The following MAP7D2 variants were observed in gnomAD, a reference collection of about 807,000 sequenced individuals.
MAP7D2 encodes MAP7 domain containing 2.
A neutral mutation model predicts 63.5 loss-of-function variants in MAP7D2; 33 were observed. The ratio of observed to expected loss-of-function variants is 0.52; its 90% CI spans 0.39 to 0.70. The LOEUF is 0.70. MAP7D2 is among the 30% of genes least tolerant of loss of function. The pLI, the probability that MAP7D2 is intolerant of heterozygous loss-of-function variation, is 0.00. For synonymous variants in MAP7D2, 224 were observed against 223.7 expected (o/e 1.00, Z -0.01); for missense variants, 626 against 604.0 (o/e 1.04, Z -0.38).
At chrX:20,079,884 C>T (rs886740600) in intron 1 of MAP7D2, among the ~76,000 whole-genome samples, 6 of 111,387 alleles carry the variant, frequency 5.4e-5, no homozygotes, top group African/African-American at 1.6e-4. Flanking sequence ...GGAAACCCCC[C>T]ACAACTTCCT....
At chrX:20,082,173 CAAG>C in intron 1 of MAP7D2, among the ~76,000 whole-genome samples, 1 of 111,707 alleles carries the variant, frequency 9.0e-6, no homozygotes, top group Non-Finnish European at 1.9e-5. Context: ...GCTTCCGTTT[CAAG>C]AAGATTCCTT....
rs751394832 is a variant in MAP7D2, at chrX:20,111,345, T to G, written c.130+5405A>C. On this transcript the variant is annotated intron_variant, in intron 1 of 16. Coordinates refer to ENST00000379643, the MANE Select transcript of MAP7D2 (RefSeq NM_001168465.2). ...ACTGCAGACCGCTGTGTACATTACA[T>G]TCAGGTTCTGAGCGCTTTGCAGGCC... Among the ~76,000 whole-genome samples, 3 of 112,345 alleles carry G rather than the reference T, an allele frequency of 2.7e-5. No homozygotes were observed. The East Asian group carries it at 8.3e-4, about 31-fold the overall frequency.
At chrX:20,019,925 G>A (rs1374803145) in intron 10 of MAP7D2, among the ~76,000 whole-genome samples, 1 of 112,031 alleles carries the variant, frequency 8.9e-6, no homozygotes, top group African/African-American at 3.2e-5. Flanking sequence ...ACTGGTTAGA[G>A]AGAGGTGTAA....
chrX:20,025,801 T>A lies in MAP7D2; in HGVS notation c.1159A>T (p.Thr387Ser). 2 of 1,211,927 alleles carry A rather than the reference T, an allele frequency of 1.7e-6. No individual in the cohort carries two copies. Among genetic ancestry groups the A allele is most frequent in the Non-Finnish European group, 2.2e-6 (2 of 895,561 alleles). Reference sequence around the variant, plus strand: ...GGGCCAGCAGCCTGCTGAGCCAAGGTACCTTCCCTTTCCTTGTTGCTCTTC... The same window carrying A: ...GGGCCAGCAGCCTGCTGAGCCAAGGAACCTTCCCTTTCCTTGTTGCTCTTC... ...KEKSNKEREG[T>S]LAQQAAGPQG... Residue 387 changes from threonine to serine, a missense_variant, in exon 9 of 17, where the codon ACC (threonine) becomes TCC (serine). Coordinates refer to ENST00000379643, the MANE Select transcript of MAP7D2 (RefSeq NM_001168465.2).
At chrX:20,053,318 T>G (rs2148330284) in intron 4 of MAP7D2, among the ~76,000 whole-genome samples, 1 of 112,244 alleles carries the variant, frequency 8.9e-6, no homozygotes, top group African/African-American at 3.2e-5. Context: ...TTTTTGAGCA[T>G]GCTCACATCA....
chrX:20,044,269 T>C, intron 7 of MAP7D2, 95 bp downstream of exon 7: 3 of 909,172 alleles, frequency 3.3e-6, no homozygotes, highest in Non-Finnish European at 4.6e-6. Flanking sequence ...AGGAGATTGA[T>C]GGAAACAGAC....
At chrX:20,051,560 C>CAA (rs1281531054) in intron 5 of MAP7D2, among the ~76,000 whole-genome samples, 7 of 97,763 alleles carry the variant, frequency 7.2e-5, no homozygotes, top group Non-Finnish European at 1.3e-4. Flanking sequence ...AAAAAACAAA[C>CAA]AAAAAAAAAA....
At chrX:20,114,595 G>T (rs1217093182) in intron 1 of MAP7D2, among the ~76,000 whole-genome samples, 1 of 112,401 alleles carries the variant, frequency 8.9e-6, no homozygotes, top group Admixed American at 9.4e-5. Context: ...ATGGGAACAT[G>T]CACAGGATTT....
chrX:20,047,280 C>T (rs1157966724), intron 6 of MAP7D2, among the ~76,000 whole-genome samples: 1 of 112,420 alleles, frequency 8.9e-6, no homozygotes. Flanking sequence ...CCAATGATAC[C>T]CTGCTAGTGT....
intron 8 of MAP7D2, among the ~76,000 whole-genome samples, chrX:20,038,044 C>A (rs192993921): frequency 1.0e-3 from 112 of 111,695 alleles, no homozygotes; most frequent in African/African-American, 3.6e-3. Context: ...ACGGCCACTG[C>A]TGAGTGCCCA....
chrX:20,116,457 C>CA (rs1249850436), intron 1 of MAP7D2: 1 of 549,498 alleles, frequency 1.8e-6, no homozygotes, highest in African/African-American at 2.5e-5. Context: ...GGACCCGCAG[C>CA]ACCCCCTCAG....
At chrX:20,104,446 G>A (rs759391661) in intron 1 of MAP7D2, among the ~76,000 whole-genome samples, 2 of 111,736 alleles carry the variant, frequency 1.8e-5, no homozygotes, top group South Asian at 3.7e-4. Flanking sequence ...GGTTACAGGC[G>A]TGCGCCACCA....
At position 20,044,412 on chromosome X, in the gene MAP7D2, A is replaced by T. The variant is rs200908382; in HGVS notation, c.831T>A (p.Gly277=). The change falls in exon 7 of 17, where the codon GGT becomes GGA. Residue 277 remains glycine (G), a synonymous_variant. Coordinates refer to ENST00000379643, the MANE Select transcript of MAP7D2 (RefSeq NM_001168465.2). ...KKKATSTSTS[G]AGDVGKEALS... is the part of the protein sequence containing the mutation. ...GGGCTTCTTTCCCAACATCTCCTGC[A>T]CCAGATGTAGACGTAGATGTAGCTT... The T allele has an allele frequency of 2.5e-4, 299 of 1,209,606 alleles. No individual in the cohort carries two copies. Among genetic ancestry groups the T allele is most frequent in the Admixed American group, 1.2e-3 (55 of 45,679 alleles).
chrX:20,080,830 C>T (rs1179631494), intron 1 of MAP7D2, among the ~76,000 whole-genome samples: 2 of 111,951 alleles, frequency 1.8e-5, no homozygotes, highest in Non-Finnish European at 3.8e-5. Flanking sequence ...GTACACTATG[C>T]GCTACACAAG....
At chrX:20,037,534 G>A (rs1014557821) in intron 8 of MAP7D2, among the ~76,000 whole-genome samples, 5 of 111,876 alleles carry the variant, frequency 4.5e-5, no homozygotes, top group African/African-American at 9.7e-5. Flanking sequence ...GGACAGCTAC[G>A]GCACTACAGC....
At chrX:20,074,148 AAAAG>A (rs1349829662) in intron 1 of MAP7D2, among the ~76,000 whole-genome samples, 3 of 108,482 alleles carry the variant, frequency 2.8e-5, no homozygotes, top group African/African-American at 1.0e-4. Flanking sequence ...AAAAAAAAAA[AAAAG>A]AAAGAAATGG....
At chrX:20,027,614 G>A (rs1380315804) in intron 8 of MAP7D2, among the ~76,000 whole-genome samples, 3 of 110,252 alleles carry the variant, frequency 2.7e-5, no homozygotes, top group East Asian at 5.7e-4. Context: ...TTCAGACATT[G>A]CTAAACGTCC....
chrX:20,092,329 T>C (rs1226601474), intron 1 of MAP7D2, among the ~76,000 whole-genome samples: 3 of 110,882 alleles, frequency 2.7e-5, no homozygotes, highest in Admixed American at 9.7e-5. Flanking sequence ...AGCCTCAAGG[T>C]CTCTCTGACC....
intron 8 of MAP7D2, among the ~76,000 whole-genome samples, chrX:20,031,792 C>T: frequency 8.9e-6 from 1 of 111,814 alleles, no homozygotes; most frequent in Non-Finnish European, 1.9e-5. Flanking sequence ...CTTACTGGGA[C>T]ACCTGGCAAA....
Sources: gnomAD v4.1 joint callset for allele counts (sites outside exome capture counted in the v4.1 genomes callset) on GRCh38, gnomAD v4.1.1 for gene constraint, MANE v1.5 for transcripts, NCBI Gene and HGNC (gene_info 2026-07-23, HGNC 2026-07-21) for gene names.